Variants in SHANK2 observed in about 807,000 individuals in gnomAD.
SHANK2 encodes SH3 and multiple ankyrin repeat domains protein 2.
A neutral mutation model predicts 133.7 loss-of-function variants in SHANK2; 43 were observed. That is an observed-to-expected ratio of 0.32 (90% CI 0.25 to 0.41). The LOEUF is 0.41. Among genes scored for constraint, SHANK2 ranks in the 10% least tolerant of loss-of-function variants. The pLI is 1.00. For missense variants in SHANK2, 1,994 were observed against 2,235.8 expected, an observed-to-expected ratio of 0.89 and a Z score of 2.18; for synonymous variants, 1,017 against 952.8, an observed-to-expected ratio of 1.07 and a Z score of -1.24.
chr11:70,690,036 G>A (rs1945241816), intron 15 of SHANK2, among the ~76,000 whole-genome samples: 1 of 152,130 alleles, frequency 6.6e-6, no homozygotes, highest in Admixed American at 6.5e-5. Context: ...TTGTTGAAGT[G>A]GAGGATGTAT....
intron 2 of SHANK2, among the ~76,000 whole-genome samples, chr11:71,165,655 G>A (rs1358651546): frequency 6.6e-6 from 1 of 152,336 alleles, no homozygotes; most frequent in African/African-American, 2.4e-5. Context: ...CAGCCCTTGA[G>A]ATTTGGATGC....
At chr11:70,734,829 C>T (rs965564693) in intron 14 of SHANK2, among the ~76,000 whole-genome samples, 1 of 152,162 alleles carries the variant, frequency 6.6e-6, no homozygotes, top group Non-Finnish European at 1.5e-5. Context: ...CGATGAGGAC[C>T]CTTGGGGACG....
intron 17 of SHANK2, chr11:70,604,607 G>A (rs2060549613): frequency 6.6e-6 from 1 of 152,286 alleles, no homozygotes; most frequent in Admixed American, 6.5e-5. Context: ...GGACCGCACT[G>A]AAAGCAGTGG....
Position 70,485,877 on chromosome 11 carries a change from CAGACAGTTTGAA to C in SHANK2, c.4404_4415del (p.Ser1469_Leu1472del). On this transcript the variant is annotated inframe_deletion, in exon 25 of 26. Coordinates refer to ENST00000601538, the MANE Select transcript of SHANK2 (RefSeq NM_012309.5). This position sits in a 1 kb window ranked among gnomAD's most constrained non-coding sequence, Gnocchi z 5.8. The stretch of plus-strand genomic sequence containing the variant: ...CAGGGGGTGGCAGGAATGAGGCAGG[CAGACAGTTTGAA>C]AGACTGGCTGGCTTCTTGCTGTCTG... 6.2e-7 allele frequency: 1 copy of C among 1,614,086 alleles called. No individual in the cohort carries two copies. The highest frequency in any genetic ancestry group is 8.5e-7 in the Non-Finnish European group (1 of 1,180,038).
rs782300557 is a variant in SHANK2, at chr11:70,661,739, G to A, written c.1854-61C>T. Reference sequence around the variant, plus strand: ...GTAGCCCGTCATCATCACCGCGGCCGCTCCTCCGCCGGGGACGTTCATCAT... The same window carrying A: ...GTAGCCCGTCATCATCACCGCGGCCACTCCTCCGCCGGGGACGTTCATCAT... On this transcript the variant is annotated intron_variant, in intron 15 of 25. Transcript: ENST00000601538. 1.9e-6 allele frequency: 3 copies of A among 1,613,994 alleles called. No homozygotes were observed. Among genetic ancestry groups the A allele is most frequent in the South Asian group, 2.2e-5 (2 of 91,074 alleles).
At chr11:71,149,538 A>G (rs547649865) in intron 2 of SHANK2, among the ~76,000 whole-genome samples, 1 of 142,000 alleles carries the variant, frequency 7.0e-6, no homozygotes, top group Non-Finnish European at 1.5e-5. Flanking sequence ...CGGGTGCTCT[A>G]TGTGTTCACA....
chr11:71,086,244 T>G (rs1459191216), intron 8 of SHANK2, among the ~76,000 whole-genome samples: 3 of 41,646 alleles, frequency 7.2e-5, no homozygotes, highest in African/African-American at 2.7e-4. Flanking sequence ...ATATAATATA[T>G]TATGTTATAT....
rs955164827 is a variant in SHANK2 at position 70,777,449 on chromosome 11, C to G, written c.1777+20994G>C. 7.3e-5 allele frequency among the ~76,000 whole-genome samples: 11 copies of G among 151,664 alleles called. 1 individual carries two copies. Among genetic ancestry groups the G allele is most frequent in the Middle Eastern group, 6.9e-3 (2 of 290 alleles). ...CATCTAACCTCCCACTACTCTTCAT[C>G]CTTCCAACCCTGCTAGCCCATTCAT... On this transcript the variant is annotated intron_variant, in intron 14 of 25. Coordinates refer to ENST00000601538, the MANE Select transcript of SHANK2 (RefSeq NM_012309.5).
chr11:71,167,873 G>A (rs1164835339), intron 2 of SHANK2, among the ~76,000 whole-genome samples: 10 of 145,864 alleles, frequency 6.9e-5, no homozygotes, highest in Admixed American at 2.7e-4. Context: ...GGGGCGGCCG[G>A]GCAGAGGCGC....
chr11:70,509,941 C>G (rs1554969047), intron 17 of SHANK2, among the ~76,000 whole-genome samples: 1 of 152,216 alleles, frequency 6.6e-6, no homozygotes, highest in Non-Finnish European at 1.5e-5. Flanking sequence ...TCTGTCGCGG[C>G]AGCCCAAACG....
intron 17 of SHANK2, among the ~76,000 whole-genome samples, chr11:70,628,728 C>A (rs919899165): frequency 6.6e-6 from 1 of 152,230 alleles, no homozygotes; most frequent in Non-Finnish European, 1.5e-5. Context: ...GCTGTTAGCA[C>A]CGCCTCTGGG....
At chr11:71,126,000 A>G (rs1473841503) in intron 3 of SHANK2, among the ~76,000 whole-genome samples, 1 of 152,116 alleles carries the variant, frequency 6.6e-6, no homozygotes, top group African/African-American at 2.4e-5. Flanking sequence ...TGGGCGGATC[A>G]TGAGGTCAAG....
chr11:70,877,383 C>T (rs1206229713), intron 11 of SHANK2, among the ~76,000 whole-genome samples: 1 of 152,196 alleles, frequency 6.6e-6, no homozygotes, highest in Non-Finnish European at 1.5e-5. Context: ...ACTGGGTCTG[C>T]CGGCATACGT....
intron 3 of SHANK2, among the ~76,000 whole-genome samples, chr11:71,120,023 A>G (rs1452766130): frequency 6.6e-6 from 1 of 152,234 alleles, no homozygotes; most frequent in African/African-American, 2.4e-5. Flanking sequence ...GGACACAGGA[A>G]AGCAATTACG....
chr11:70,598,676 T>C (rs1242068787), intron 17 of SHANK2, among the ~76,000 whole-genome samples: 5 of 152,130 alleles, frequency 3.3e-5, no homozygotes, highest in African/African-American at 1.2e-4. Flanking sequence ...AAACACAATA[T>C]TAGCAAATGG....
rs183314126 is a variant in SHANK2 at position 71,195,380 on chromosome 11, A to T, written c.-13+29317T>A. ...GCACTCCAGCCTGGGTGACAGAGCG[A>T]GACTCCGTCTCAAAAAAAAAAAAAG... On this transcript the variant is annotated intron_variant, in intron 2 of 25. Transcript: ENST00000601538. Among the ~76,000 whole-genome samples the T allele has an allele frequency of 6.3e-3, 951 of 152,070 alleles. 5 individuals are homozygous for T. Among genetic ancestry groups the T allele is most frequent in the Middle Eastern group, 0.02 (6 of 294 alleles).
intron 12 of SHANK2, among the ~76,000 whole-genome samples, chr11:70,812,643 C>G (rs1948303277): frequency 6.6e-6 from 1 of 152,242 alleles, no homozygotes; most frequent in Non-Finnish European, 1.5e-5. Context: ...ACTCTTCCCA[C>G]AGCAGCCATA....
At chr11:71,083,851 C>T (rs1951336934) in intron 8 of SHANK2, among the ~76,000 whole-genome samples, 1 of 152,156 alleles carries the variant, frequency 6.6e-6, no homozygotes, top group Non-Finnish European at 1.5e-5. Flanking sequence ...TGTGGGAATG[C>T]ATTGGGGTGT....
Position 71,110,027 on chromosome 11 carries a change from T to C in SHANK2, c.506A>G (p.Asp169Gly), listed in dbSNP as rs373914403. The C allele has an allele frequency of 2.1e-4, 326 of 1,551,072 alleles. 1 individual carries two copies. Among genetic ancestry groups the C allele is most frequent in the Non-Finnish European group, 2.6e-4 (302 of 1,146,474 alleles). The change falls in exon 6 of 26, where the codon GAT becomes GGT. Residue 169 changes from aspartate to glycine, a missense_variant. Asp to Gly is a moderately conservative substitution (Grantham distance 94). Coordinates refer to ENST00000601538, the MANE Select transcript of SHANK2 (RefSeq NM_012309.5). ...HTKTNLKKCM[D>G]HIQHRLVEKI... ...CTCCACCAAGCGATGCTGAATGTGA[T>C]CCATGCATTTCTTCAGATTGGTCTA...
Sources: allele counts gnomAD v4.1 joint callset (sites outside exome capture counted in the v4.1 genomes callset), GRCh38; gene constraint gnomAD v4.1.1; non-coding constraint Gnocchi (gnomAD v3.1); transcripts MANE v1.5; gene names NCBI Gene and HGNC (gene_info 2026-07-23, HGNC 2026-07-21).